The following TCEANC2 variants were observed in gnomAD, a reference collection of about 807,000 sequenced individuals.
The protein encoded by TCEANC2 is transcription elongation factor A N-terminal and central domain containing 2.
Under a neutral mutation model 22.8 loss-of-function variants are expected in TCEANC2, and 20 were observed. That is an observed-to-expected ratio of 0.88 (90% CI 0.62 to 1.28). The LOEUF (loss-of-function observed/expected upper bound fraction) is 1.28, where lower values mean the gene tolerates loss of function less well. Among genes scored for constraint, TCEANC2 ranks in the 50% most tolerant of loss-of-function variants. The probability of loss-of-function intolerance (pLI) is 0.00; values close to 1 mark genes in which losing one functional copy is unlikely to be tolerated. For synonymous variants in TCEANC2, 84 were observed against 95.5 expected, an observed-to-expected ratio of 0.88 and a Z score of 0.70; for missense variants, 251 against 249.7, an observed-to-expected ratio of 1.01 and a Z score of -0.03.
At chr1:54,083,646 G>A (rs1658286248) in intron 3 of TCEANC2, among the ~76,000 whole-genome samples, 2 of 152,106 alleles carry the variant, frequency 1.3e-5, no homozygotes, top group Non-Finnish European at 2.9e-5. Flanking sequence ...AGGTTAAGGT[G>A]AGACTCTTAT....
At chr1:54,092,235 G>A (rs1258613605) in intron 4 of TCEANC2, among the ~76,000 whole-genome samples, 1 of 152,162 alleles carries the variant, frequency 6.6e-6, no homozygotes, top group Non-Finnish European at 1.5e-5. Context: ...TGAATGAGTC[G>A]CATTCCCTAT....
At chr1:54,079,788 G>A (rs1197105895) in intron 3 of TCEANC2, among the ~76,000 whole-genome samples, 1 of 152,162 alleles carries the variant, frequency 6.6e-6, no homozygotes, top group Non-Finnish European at 1.5e-5. Flanking sequence ...CTGAGGATTA[G>A]GGCATAGTCA....
intron 2 of TCEANC2, among the ~76,000 whole-genome samples, chr1:54,062,078 T>C (rs1657868145): frequency 6.6e-6 from 1 of 152,248 alleles, no homozygotes; most frequent in Admixed American, 6.5e-5. Flanking sequence ...GAACCTTTCC[T>C]GCCTTTGTAG....
At chr1:54,082,011 T>A (rs1278434656) in intron 3 of TCEANC2, among the ~76,000 whole-genome samples, 1 of 152,182 alleles carries the variant, frequency 6.6e-6, no homozygotes, top group Admixed American at 6.5e-5. Context: ...CAGTCCCTAA[T>A]AACAGAGAAG....
chr1:54,073,355 A>G (rs943155826), intron 3 of TCEANC2, among the ~76,000 whole-genome samples: 3 of 152,242 alleles, frequency 2.0e-5, no homozygotes, highest in African/African-American at 7.2e-5. Context: ...GCCAATAATC[A>G]GAGGCCATCT....
intron 3 of TCEANC2, among the ~76,000 whole-genome samples, chr1:54,073,148 G>T (rs1658088847): frequency 6.6e-6 from 1 of 151,970 alleles, no homozygotes; most frequent in Non-Finnish European, 1.5e-5. Context: ...TTAATGTTTT[G>T]TAGAGAAGGG....
rs548633096 is a variant in TCEANC2, at chr1:54,106,003, A to G, written c.*9530A>G. ...TCTGTCACAACTATTCAGCTCTGCT[A>G]TTGTAATACAAAAGCAGCTGTGGAC... On this transcript the variant is annotated 3_prime_UTR_variant, in exon 5 of 5. Coordinates refer to ENST00000234827, the MANE Select transcript of TCEANC2 (RefSeq NM_153035.3). 4.6e-5 allele frequency: 7 copies of G among 152,346 alleles called. No homozygotes were observed. Among genetic ancestry groups the G allele is most frequent in the African/African-American group, 1.7e-4 (7 of 41,576 alleles). 9.4% of individuals were successfully genotyped at this position (152,346 alleles called of 1,614,324 possible). A position where few individuals can be genotyped will look rare whatever the true frequency, so the allele number is the denominator to read the frequency against.
intron 2 of TCEANC2, among the ~76,000 whole-genome samples, chr1:54,057,987 A>T (rs188637356): frequency 6.6e-6 from 1 of 152,356 alleles, no homozygotes; most frequent in African/African-American, 2.4e-5. Context: ...CTCTGGAGCC[A>T]GACTGCCTTA....
In TCEANC2 at chr1:54,068,803, G is replaced by T; in HGVS notation, c.150G>T (p.Glu50Asp). The T allele has an allele frequency of 1.9e-6, 3 of 1,612,330 alleles. No homozygotes were observed. The South Asian group carries it at 3.3e-5, about 18-fold the overall frequency. Residue 50 changes from glutamate to aspartate, a missense_variant, in exon 3 of 5, where the codon GAG becomes GAT. Glu to Asp is a conservative substitution (Grantham distance 45). Coordinates refer to ENST00000234827, the MANE Select transcript of TCEANC2 (RefSeq NM_153035.3). The stretch of plus-strand genomic sequence containing the variant: ...TAAAAAGATGGAAAACTATGCTGGA[G>T]CTTCCTGATCAAACCAAAGAGAATC... ...EDIKRWKTMLELPDQTKENLV... is the reference protein window; with the variant it reads ...EDIKRWKTMLDLPDQTKENLV...
At chr1:54,090,156 G>C in intron 4 of TCEANC2, 1 of 435,380 alleles carries the variant, frequency 2.3e-6, no homozygotes, top group Non-Finnish European at 4.3e-6. Flanking sequence ...TTGATGCCAA[G>C]TTAAAGCACT....
At chr1:54,058,375 G>T (rs1657791647) in intron 2 of TCEANC2, among the ~76,000 whole-genome samples, 1 of 151,982 alleles carries the variant, frequency 6.6e-6, no homozygotes, top group Non-Finnish European at 1.5e-5. Flanking sequence ...GCACTTATTT[G>T]TGCTGTATCA....
chr1:54,090,640 T>C (rs562676044), intron 4 of TCEANC2, among the ~76,000 whole-genome samples: 1 of 152,342 alleles, frequency 6.6e-6, no homozygotes, highest in Admixed American at 6.5e-5. Flanking sequence ...CACTTAACTT[T>C]TCCTAAAGGA....
intron 3 of TCEANC2, among the ~76,000 whole-genome samples, chr1:54,080,719 G>A (rs1161912898): frequency 1.3e-5 from 2 of 152,232 alleles, no homozygotes; most frequent in African/African-American, 2.4e-5. Flanking sequence ...ATTTGGTAAT[G>A]TTTGGTAAAT....
chr1:54,091,699 G>A (rs1658450655), intron 4 of TCEANC2, among the ~76,000 whole-genome samples: 1 of 152,080 alleles, frequency 6.6e-6, no homozygotes, highest in Admixed American at 6.6e-5. Flanking sequence ...CTCCATCGTT[G>A]AAACCCAGGC....
At chr1:54,091,133 T>C (rs1658439033) in intron 4 of TCEANC2, among the ~76,000 whole-genome samples, 1 of 148,892 alleles carries the variant, frequency 6.7e-6, no homozygotes, top group South Asian at 2.1e-4. Context: ...AGTATGCATC[T>C]CACTGTCGTC....
intron 2 of TCEANC2, among the ~76,000 whole-genome samples, chr1:54,064,788 C>T (rs988024986): frequency 4.7e-5 from 7 of 149,970 alleles, no homozygotes; most frequent in African/African-American, 1.5e-4. Context: ...CACCCTCCAC[C>T]TCCCAGGTTC....
exon 5 of TCEANC2, chr1:54,111,191 C>T (rs1658833422): frequency 6.6e-6 from 1 of 152,420 alleles, no homozygotes; most frequent in South Asian, 2.1e-4. Flanking sequence ...TCCAGGCTGG[C>T]CTCTGATAGT....
intron 2 of TCEANC2, among the ~76,000 whole-genome samples, chr1:54,062,998 G>A (rs150757895): frequency 1.3e-5 from 2 of 152,324 alleles, no homozygotes; most frequent in Non-Finnish European, 2.9e-5. Flanking sequence ...ACAGAGCTGA[G>A]CTTGAAAGCA....
chr1:54,069,063 C>G (rs1049211976), intron 3 of TCEANC2, among the ~76,000 whole-genome samples, 166 bp downstream of exon 3: 2 of 152,016 alleles, frequency 1.3e-5, no homozygotes, highest in Admixed American at 6.6e-5. Context: ...CAGGCCAATA[C>G]CTTGGTAATA....
Sources: gnomAD v4.1 joint callset for allele counts (sites outside exome capture counted in the v4.1 genomes callset) on GRCh38, gnomAD v4.1.1 for gene constraint, MANE v1.5 for transcripts, NCBI Gene and HGNC (gene_info 2026-07-23, HGNC 2026-07-21) for gene names.